Variants in C1orf94 observed in about 807,000 individuals in gnomAD.
The protein encoded by C1orf94 is chromosome 1 open reading frame 94.
In C1orf94, 45 loss-of-function variants were observed where a neutral mutation model predicts 53.6. The ratio of observed to expected loss-of-function variants is 0.84; its 90% CI spans 0.66 to 1.08. The LOEUF is 1.08. C1orf94 is among the 50% of genes least tolerant of loss of function. The probability of loss-of-function intolerance (pLI) is 0.00; values close to 1 mark genes in which losing one functional copy is unlikely to be tolerated. For missense variants in C1orf94, 762 were observed against 738.9 expected (o/e 1.03, Z -0.36); for synonymous variants, 304 against 296.1 (o/e 1.03, Z -0.27).
At chr1:34,184,488 C>T (rs1248077084) in intron 1 of C1orf94, among the ~76,000 whole-genome samples, 3 of 152,152 alleles carry the variant, frequency 2.0e-5, no homozygotes, top group Non-Finnish European at 2.9e-5. Flanking sequence ...AGCATTATTC[C>T]AAGCCAGACT....
chr1:34,184,021 T>C (rs987254983), intron 1 of C1orf94, among the ~76,000 whole-genome samples: 1 of 152,154 alleles, frequency 6.6e-6, no homozygotes, highest in Non-Finnish European at 1.5e-5. Flanking sequence ...GAAGTGCCAG[T>C]GCCATGGAAG....
chr1:34,189,541 G>A (rs1254342226), intron 1 of C1orf94, among the ~76,000 whole-genome samples: 2 of 152,210 alleles, frequency 1.3e-5, no homozygotes, highest in African/African-American at 2.4e-5. Context: ...AGAGAAATAG[G>A]TATCTGTCAG....
At chr1:34,204,219 G>A (rs778918279) in intron 4 of C1orf94, among the ~76,000 whole-genome samples, 2 of 152,144 alleles carry the variant, frequency 1.3e-5, no homozygotes, top group Admixed American at 6.5e-5. Context: ...TTGGGAAAGG[G>A]GATTGGCTCT....
At position 34,177,232 on chromosome 1, in the gene C1orf94, C is replaced by T. The variant is rs1052156876; in HGVS notation, c.-558C>T. Among the ~76,000 whole-genome samples the T allele has an allele frequency of 4.6e-5, 7 of 151,978 alleles. No homozygotes were observed. The highest frequency in any genetic ancestry group is 1.5e-5 in the Non-Finnish European group (1 of 67,984). On this transcript the variant is annotated 5_prime_UTR_variant, in exon 1 of 7. Transcript: ENST00000488417. ...GGGCGAGAGAAAAGCAGGACCTGGG[C>T]CGGGGGTGGGAGTCGGGCCGTTGAC...
chr1:34,193,751 C>A (rs1005883454), intron 1 of C1orf94, among the ~76,000 whole-genome samples: 4 of 152,236 alleles, frequency 2.6e-5, no homozygotes, highest in Admixed American at 2.6e-4. Flanking sequence ...TGACTGGCTT[C>A]CTGTGTGGCC....
Position 34,213,886 on chromosome 1 carries a change from C to T in C1orf94, c.1721+1480C>T, listed in dbSNP as rs184021813. Among the ~76,000 whole-genome samples the T allele has an allele frequency of 2.6e-3, 394 of 152,182 alleles. 2 individuals are homozygous for T. Among genetic ancestry groups the T allele is most frequent in the Non-Finnish European group, 4.4e-3 (296 of 67,988 alleles). On this transcript the variant is annotated intron_variant, in intron 6 of 6. Transcript: ENST00000488417. ...ATATTCCTTCCTTCCTTCCTTCCTT[C>T]TTTCCTCCCTCCCTCCCTCTTTTCC...
rs1232773755 is a variant in C1orf94, at chr1:34,177,706, G to A, written c.-84G>A. On this transcript the variant is annotated 5_prime_UTR_variant, in exon 1 of 7. Transcript: ENST00000488417. The stretch of plus-strand genomic sequence containing the variant: ...CCTCCCACACAAATAGAAGGCCTCT[G>A]AACCTAACCACCTTGCTGGAGCGAA... 2 of 1,310,660 alleles carry A rather than the reference G, an allele frequency of 1.5e-6. No individual in the cohort carries two copies. Among genetic ancestry groups the A allele is most frequent in the Non-Finnish European group, 2.1e-6 (2 of 972,162 alleles). The allele number at this position is 1,310,660 out of a possible 1,614,324, so 81.2% of individuals were successfully genotyped here.
intron 4 of C1orf94, among the ~76,000 whole-genome samples, chr1:34,205,931 C>T (rs1271769255): frequency 6.6e-6 from 1 of 152,172 alleles, no homozygotes; most frequent in African/African-American, 2.4e-5. Context: ...GGGACCATGG[C>T]TTAAGCAAAG....
chr1:34,215,117 G>A (rs905972412), intron 6 of C1orf94, among the ~76,000 whole-genome samples: 1 of 152,186 alleles, frequency 6.6e-6, no homozygotes, highest in Non-Finnish European at 1.5e-5. Flanking sequence ...CTCAGGATAT[G>A]GGTTGGGGTG....
At chr1:34,180,486 G>T (rs1642296652) in intron 1 of C1orf94, among the ~76,000 whole-genome samples, 1 of 152,220 alleles carries the variant, frequency 6.6e-6, no homozygotes, top group South Asian at 2.1e-4. Flanking sequence ...TACTTTTACA[G>T]ATAACGTGGC....
intron 5 of C1orf94, among the ~76,000 whole-genome samples, chr1:34,210,716 A>T (rs1642874957): frequency 6.6e-6 from 1 of 151,452 alleles, no homozygotes; most frequent in Non-Finnish European, 1.5e-5. Flanking sequence ...GTGCAGTGGC[A>T]CAATCTTGGC....
At position 34,177,814 on chromosome 1, in the gene C1orf94, C is replaced by T; in HGVS notation, c.25C>T (p.Leu9=). Residue 9 remains leucine (L), a synonymous_variant, in exon 1 of 7, where the codon CTA becomes TTA. Coordinates refer to ENST00000488417, the MANE Select transcript of C1orf94 (RefSeq NM_001134734.2). MRGGGGCV[L]ALGGQRGFQK... is the part of the protein sequence containing the mutation. Reference sequence around the variant, plus strand: ...AATGAGGGGTGGTGGTGGTTGTGTTCTAGCCCTGGGTGGACAGAGGGGCTT... The same window carrying T: ...AATGAGGGGTGGTGGTGGTTGTGTTTTAGCCCTGGGTGGACAGAGGGGCTT... The T allele has an allele frequency of 1.9e-6, 3 of 1,545,392 alleles. No homozygotes were observed. Among genetic ancestry groups the T allele is most frequent in the Non-Finnish European group, 2.6e-6 (3 of 1,142,518 alleles).
intron 1 of C1orf94, among the ~76,000 whole-genome samples, chr1:34,169,042 A>G (rs989700029): frequency 1.2e-4 from 19 of 152,214 alleles, no homozygotes; most frequent in African/African-American, 4.1e-4. Flanking sequence ...AGTGAAAAGT[A>G]GACAGCTCTG....
In C1orf94 at chr1:34,177,865, A is replaced by G. The variant is rs575665507; in HGVS notation, c.76A>G (p.Ser26Gly). Reference sequence around the variant, plus strand: ...CCAGAAAGAGAGGAGGAGGATGGCCAGCGGGAATGGGCTTCCTTCATCCTC... The same window carrying G: ...CCAGAAAGAGAGGAGGAGGATGGCCGGCGGGAATGGGCTTCCTTCATCCTC... ...GFQKERRRMA[S>G]GNGLPSSSAL... Residue 26 changes from serine to glycine, a missense_variant, in exon 1 of 7, where the codon AGC becomes GGC. Physicochemically the swap from Ser to Gly is moderately conservative, Grantham distance 56. Coordinates refer to ENST00000488417, the MANE Select transcript of C1orf94 (RefSeq NM_001134734.2). 9 of 1,551,268 alleles carry G rather than the reference A, an allele frequency of 5.8e-6. No homozygotes were observed. The East Asian group carries it at 1.5e-4, about 25-fold the overall frequency.
At chr1:34,184,223 A>G (rs1642352473) in intron 1 of C1orf94, among the ~76,000 whole-genome samples, 1 of 152,206 alleles carries the variant, frequency 6.6e-6, no homozygotes, top group Admixed American at 6.5e-5. Context: ...AGGTTTCCAT[A>G]GTTATGTCCC....
upstream of C1orf94, among the ~76,000 whole-genome samples, chr1:34,172,660 G>A (rs1180382866): frequency 6.6e-6 from 1 of 152,196 alleles, no homozygotes; most frequent in Non-Finnish European, 1.5e-5. Context: ...CCAAGAAATG[G>A]CAGAGATCAC....
chr1:34,212,275 G>C lies in C1orf94; in HGVS notation c.1590G>C (p.Leu530=), dbSNP rs146651157. 14 of 1,613,830 alleles carry C rather than the reference G, an allele frequency of 8.7e-6. No homozygotes were observed. The highest frequency in any genetic ancestry group is 1.1e-5 in the Non-Finnish European group (13 of 1,179,994). The stretch of plus-strand genomic sequence containing the variant: ...TCCGCTCTTCCTACACCCCTCTGCT[G>C]AGCTACATCCCTTTTGTCCAGCCCA... ...QIFRSSYTPL[L]SYIPFVQPNY... Residue 530 remains leucine, a synonymous_variant, in exon 6 of 7, where the codon CTG becomes CTC. Coordinates refer to ENST00000488417, the MANE Select transcript of C1orf94 (RefSeq NM_001134734.2).
rs775140762 is a variant in C1orf94 at position 34,178,159 on chromosome 1, A to T, written c.320+50A>T. ...CAGCAAGGGAGGAGGGAGGAGATGA[A>T]GTCTGACCTTCTGGGGGAATGTTCT... On this transcript the variant is annotated intron_variant, in intron 1 of 6. Transcript: ENST00000488417. The T allele has an allele frequency of 1.1e-5, 16 of 1,510,046 alleles. No individual in the cohort carries two copies. In the Middle Eastern group the frequency reaches 1.0e-3, roughly 97 times the overall value. 93.5% of individuals were successfully genotyped at this position (1,510,046 alleles called of 1,614,324 possible). A position where few individuals can be genotyped will look rare whatever the true frequency, so the allele number is the denominator to read the frequency against.
chr1:34,211,090 C>A (rs947492042), intron 5 of C1orf94, among the ~76,000 whole-genome samples: 1 of 152,074 alleles, frequency 6.6e-6, no homozygotes, highest in African/African-American at 2.4e-5. Context: ...CTAACTGATA[C>A]TCCCCTCAGT....
Sources: allele counts gnomAD v4.1 joint callset (sites outside exome capture counted in the v4.1 genomes callset), GRCh38; gene constraint gnomAD v4.1.1; transcripts MANE v1.5; gene names NCBI Gene and HGNC (gene_info 2026-07-23, HGNC 2026-07-21).